LIMCH1: variants seen among roughly 807,000 people sequenced by gnomAD.
The protein encoded by LIMCH1 is LIM and calponin homology domains-containing protein 1.
LIMCH1 carries 113 observed loss-of-function variants against 176.5 expected under a neutral mutation model. The ratio of observed to expected loss-of-function variants is 0.64; its 90% CI spans 0.55 to 0.75. The LOEUF (loss-of-function observed/expected upper bound fraction) is 0.75. Among genes scored for constraint, LIMCH1 ranks in the 30% least tolerant of loss-of-function variants. LIMCH1 has a pLI of 0.00. For synonymous variants in LIMCH1, 619 were observed against 645.9 expected (o/e 0.96, Z 0.63); for missense variants, 1,674 against 1,814.9 (o/e 0.92, Z 1.41).
intron 14 of LIMCH1, among the ~76,000 whole-genome samples, chr4:41,639,799 C>G (rs2093744638): frequency 6.6e-6 from 1 of 152,136 alleles, no homozygotes; most frequent in Non-Finnish European, 1.5e-5. Flanking sequence ...AATCCAGCAT[C>G]AGTAGTCTGC....
At chr4:41,360,029 GT>G (rs2051795795), upstream of LIMCH1, among the ~76,000 whole-genome samples, 1 of 85,038 alleles carries the variant, frequency 1.2e-5, no homozygotes, top group African/African-American at 4.2e-5. The surrounding 1 kb of genome is among the most constrained non-coding windows in gnomAD (Gnocchi z 4.5). Context: ...TGTGTAGGGT[GT>G]GTGTGTGTGT....
intron 1 of LIMCH1, among the ~76,000 whole-genome samples, chr4:41,428,595 G>A (rs2061327456): frequency 6.6e-6 from 1 of 152,182 alleles, no homozygotes. Flanking sequence ...TCAGAATGTG[G>A]CTTTAAGCAA....
rs995710989 is a variant in LIMCH1 at position 41,633,908 on chromosome 4, G to A, written c.2090+100G>A. 564 of 1,278,430 alleles carry A rather than the reference G, an allele frequency of 4.4e-4. 2 individuals carry two copies. Among genetic ancestry groups the A allele is most frequent in the African/African-American group, 6.1e-5 (4 of 65,890 alleles). 79.2% of individuals were successfully genotyped at this position (1,278,430 alleles called of 1,614,324 possible). ...GGCACCTCAGTGCCGCTTACCTGCT[G>A]TTGCTAGCAGAAACAGAATGATCAA... is the stretch of plus-strand genomic sequence containing the variant. On this transcript the variant is annotated intron_variant, in intron 13 of 31. Coordinates refer to ENST00000503057, the MANE Select transcript of LIMCH1 (RefSeq NM_001330672.2).
chr4:41,472,916 A>G (rs1022849008), intron 1 of LIMCH1: 8 of 554,968 alleles, frequency 1.4e-5, no homozygotes, highest in Non-Finnish European at 1.8e-5. Context: ...TCCACATCAC[A>G]TCTCTTAACA....
At chr4:41,449,918 T>G (rs973177019) in intron 1 of LIMCH1, among the ~76,000 whole-genome samples, 3 of 152,224 alleles carry the variant, frequency 2.0e-5, no homozygotes, top group Non-Finnish European at 2.9e-5. Flanking sequence ...CTTGGCCTTC[T>G]TCAGGTTCAC....
chr4:41,478,241 A>T (rs1342934324), intron 1 of LIMCH1, among the ~76,000 whole-genome samples: 1 of 152,214 alleles, frequency 6.6e-6, no homozygotes, highest in African/African-American at 2.4e-5. Context: ...CTCAAATCAA[A>T]AATTAGTATT....
chr4:41,581,138 C>A (rs951177751), intron 1 of LIMCH1, among the ~76,000 whole-genome samples: 1 of 132,266 alleles, frequency 7.6e-6, no homozygotes, highest in Admixed American at 6.9e-5. Flanking sequence ...ATCTATCTAT[C>A]TATCTATCAT....
At chr4:41,604,906 C>T (rs2090483133) in intron 3 of LIMCH1, among the ~76,000 whole-genome samples, 1 of 152,058 alleles carries the variant, frequency 6.6e-6, no homozygotes, top group Non-Finnish European at 1.5e-5. Flanking sequence ...CAGCTGGACT[C>T]ATGTAACTAT....
chr4:41,610,235 G>C (rs770924868), intron 4 of LIMCH1, among the ~76,000 whole-genome samples: 4 of 152,208 alleles, frequency 2.6e-5, no homozygotes, highest in Admixed American at 6.5e-5. Flanking sequence ...GGTGAGGGTG[G>C]GGAAGACATT....
upstream of LIMCH1, chr4:41,538,030 C>A: frequency 3.2e-6 from 1 of 315,270 alleles, no homozygotes; most frequent in Non-Finnish European, 4.6e-6. Context: ...GCTCTCTGCA[C>A]AATTCCAATC....
intron 1 of LIMCH1, among the ~76,000 whole-genome samples, chr4:41,575,124 A>G (rs59889158): frequency 0.03 from 4,531 of 152,294 alleles, 222 homozygotes; most frequent in African/African-American, 0.1. Flanking sequence ...CTAAATATCT[A>G]TTGGTAGAAG....
intron 1 of LIMCH1, among the ~76,000 whole-genome samples, chr4:41,369,407 C>A (rs1397824173): frequency 6.6e-6 from 1 of 152,128 alleles, no homozygotes; most frequent in African/African-American, 2.4e-5. Context: ...GATCTTTTAC[C>A]CCAGGCAGGA....
chr4:41,505,487 T>A (rs2074030046), intron 2 of LIMCH1, among the ~76,000 whole-genome samples: 1 of 152,162 alleles, frequency 6.6e-6, no homozygotes, highest in Non-Finnish European at 1.5e-5. Flanking sequence ...AATAATGAAC[T>A]TTGGCTGGCA....
chr4:41,460,970 G>T (rs1464124762), intron 1 of LIMCH1, among the ~76,000 whole-genome samples: 1 of 152,166 alleles, frequency 6.6e-6, no homozygotes, highest in African/African-American at 2.4e-5. Context: ...TCTCCGACTG[G>T]CTCTGTTGCT....
At chr4:41,498,281 G>A (rs2072581331) in intron 2 of LIMCH1, among the ~76,000 whole-genome samples, 1 of 152,154 alleles carries the variant, frequency 6.6e-6, no homozygotes, top group Admixed American at 6.6e-5. Context: ...CAGCATGTAC[G>A]ATGGAAATGG....
In LIMCH1 at chr4:41,632,853, G is replaced by A. The variant is rs770353055; in HGVS notation, c.1706G>A (p.Arg569Lys). Residue 569 changes from arginine to lysine, a missense_variant, in exon 11 of 32, where the codon AGG (arginine) becomes AAG (lysine). Around this residue, in one of 3 missense-constraint regions of LIMCH1, gnomAD observed 1,015 missense variants for 1,102.5 expected, o/e 0.92. Transcript: ENST00000503057. Reference sequence around the variant, plus strand: ...GTCTGCAGTTTGGGCGAGTGCCCGAGGGGGACAGAGGAAGGTGAGGAGCAG... The same window carrying A: ...GTCTGCAGTTTGGGCGAGTGCCCGAAGGGGACAGAGGAAGGTGAGGAGCAG... ...EWVCSLGECP[R>K]GTEEVTSKQL... 14 of 1,536,038 alleles carry A rather than the reference G, an allele frequency of 9.1e-6. No homozygotes were observed. Among genetic ancestry groups the A allele is most frequent in the Non-Finnish European group, 5.2e-6 (6 of 1,146,848 alleles).
intron 1 of LIMCH1, among the ~76,000 whole-genome samples, chr4:41,403,537 T>G (rs1193866371): frequency 6.6e-6 from 1 of 152,130 alleles, no homozygotes; most frequent in Non-Finnish European, 1.5e-5. Flanking sequence ...GCTGAGATTG[T>G]GCCACTGCAC....
At chr4:41,671,692 G>A in intron 22 of LIMCH1, 98 bp downstream of exon 22, 2 of 923,996 alleles carry the variant, frequency 2.2e-6, no homozygotes, top group Non-Finnish European at 3.5e-6. Flanking sequence ...GGTGCAGGCG[G>A]TGGCTCACGC....
chr4:41,631,281 G>A lies in LIMCH1; in HGVS notation c.1405G>A (p.Val469Met). 6.5e-7 allele frequency: 1 copy of A among 1,536,080 alleles called. No individual in the cohort carries two copies. The highest frequency in any genetic ancestry group is 8.7e-7 in the Non-Finnish European group (1 of 1,146,908). ...AGCTTCCAGCCCCAGGCAAAAGTTT[G>A]TGCACTTTGGGCCAGTGACGGAGCT... ...KKASSPRQKFVHFGPVTELDQ... is the reference protein window; with the variant it reads ...KKASSPRQKFMHFGPVTELDQ... Residue 469 changes from valine (V) to methionine (M), a missense_variant, in exon 10 of 32, where the codon GTG becomes ATG. Val to Met is a conservative substitution (Grantham distance 21, BLOSUM62 1). Transcript: ENST00000503057.
Sources: allele counts gnomAD v4.1 joint callset (sites outside exome capture counted in the v4.1 genomes callset), GRCh38; gene constraint gnomAD v4.1.1; regional missense constraint gnomAD v4.1.1; non-coding constraint Gnocchi (gnomAD v3.1); transcripts MANE v1.5; gene names NCBI Gene and HGNC (gene_info 2026-07-23, HGNC 2026-07-21).